The following BCL11B variants were observed in gnomAD, a reference collection of about 807,000 sequenced individuals.
BCL11B encodes B-cell lymphoma/leukemia 11B.
A neutral mutation model predicts 49.9 loss-of-function variants in BCL11B; 8 were observed. That is an observed-to-expected ratio of 0.16 (90% CI 0.09 to 0.29). The LOEUF (loss-of-function observed/expected upper bound fraction) is 0.29, where lower values mean the gene tolerates loss of function less well. Ranked by LOEUF, BCL11B falls within the 10% of genes least tolerant of loss-of-function variation. The pLI, the probability that BCL11B is intolerant of heterozygous loss-of-function variation, is 1.00. For synonymous variants in BCL11B, 739 were observed against 637.4 expected (o/e 1.16, Z -2.40); for missense variants, 1,006 against 1,351.0 (o/e 0.74, Z 4.00).
intron 3 of BCL11B, among the ~76,000 whole-genome samples, chr14:99,181,221 G>A (rs1245465110): frequency 6.6e-6 from 1 of 152,202 alleles, no homozygotes; most frequent in Non-Finnish European, 1.5e-5. Flanking sequence ...AGGGCCCGGG[G>A]TGATATCCTG....
intron 3 of BCL11B, among the ~76,000 whole-genome samples, chr14:99,212,737 A>G (rs1426863344): frequency 6.6e-6 from 1 of 152,170 alleles, no homozygotes; most frequent in African/African-American, 2.4e-5. Context: ...GCTGGAGGCA[A>G]GTGTCCACTT....
intron 3 of BCL11B, among the ~76,000 whole-genome samples, chr14:99,199,400 T>C (rs923541438): frequency 2.6e-5 from 4 of 152,184 alleles, no homozygotes; most frequent in African/African-American, 9.7e-5. Context: ...GAGGCGAAGT[T>C]TCAACAGCCG....
chr14:99,211,094 A>G (rs951565354), intron 3 of BCL11B, among the ~76,000 whole-genome samples: 20 of 152,146 alleles, frequency 1.3e-4, no homozygotes, highest in African/African-American at 4.6e-4. Context: ...CCATCCACAC[A>G]TGCGTACCCA....
intron 3 of BCL11B, among the ~76,000 whole-genome samples, chr14:99,179,329 C>T (rs1886630279): frequency 6.6e-6 from 1 of 152,006 alleles, no homozygotes; most frequent in Non-Finnish European, 1.5e-5. Context: ...CAAAAATTAG[C>T]CGGGTGTGGT....
chr14:99,221,874 G>A (rs910370206), intron 3 of BCL11B, among the ~76,000 whole-genome samples: 2 of 152,186 alleles, frequency 1.3e-5, no homozygotes, highest in African/African-American at 4.8e-5. Context: ...GGACCCTAGG[G>A]TCTAGCCCAG....
At chr14:99,177,438 C>T (rs1459167308) in intron 3 of BCL11B, among the ~76,000 whole-genome samples, 1 of 151,490 alleles carries the variant, frequency 6.6e-6, no homozygotes, top group African/African-American at 2.4e-5. Context: ...CAAGTGCCCT[C>T]CTGCACCTGG....
chr14:99,199,683 T>TGTGTGTGCGCGCGCGCGCGC (rs759599743), intron 3 of BCL11B, among the ~76,000 whole-genome samples: 1 of 73,740 alleles, frequency 1.4e-5, no homozygotes, highest in African/African-American at 3.4e-5. Context: ...TGTGTGTGTG[T>TGTGTGTGCGCGCGCGCGCGC]GCGCGCGCGC....
At chr14:99,246,329 G>C (rs1443426473) in intron 2 of BCL11B, among the ~76,000 whole-genome samples, 1 of 152,210 alleles carries the variant, frequency 6.6e-6, no homozygotes, top group Non-Finnish European at 1.5e-5. Flanking sequence ...AGCCCTCTCG[G>C]CCCTCCCGCC....
At chr14:99,243,385 C>G (rs1888726912) in intron 2 of BCL11B, among the ~76,000 whole-genome samples, 1 of 152,132 alleles carries the variant, frequency 6.6e-6, no homozygotes, top group African/African-American at 2.4e-5. Flanking sequence ...ATTCCTTTCC[C>G]TTTTGCAAAT....
intron 2 of BCL11B, among the ~76,000 whole-genome samples, chr14:99,245,840 G>C (rs1362822371): frequency 6.6e-6 from 1 of 152,142 alleles, no homozygotes; most frequent in East Asian, 1.9e-4. Context: ...CCCCGCCCTT[G>C]ACCTTGGGTC....
At chr14:99,267,572 A>T (rs1889524128) in intron 1 of BCL11B, among the ~76,000 whole-genome samples, 1 of 151,578 alleles carries the variant, frequency 6.6e-6, no homozygotes, top group Non-Finnish European at 1.5e-5. Context: ...AACCAAAAAA[A>T]AAAAAAGAGG....
intron 3 of BCL11B, among the ~76,000 whole-genome samples, chr14:99,199,683 T>TGTGTGTGTGTGTGCGCGCGCGCGC (rs759599743): frequency 4.1e-5 from 3 of 73,640 alleles, no homozygotes; most frequent in South Asian, 3.5e-4. Flanking sequence ...TGTGTGTGTG[T>TGTGTGTGTGTGTGCGCGCGCGCGC]GCGCGCGCGC....
At chr14:99,191,402 TAA>T (rs11302505) in intron 3 of BCL11B, among the ~76,000 whole-genome samples, 67 of 144,212 alleles carry the variant, frequency 4.6e-4, no homozygotes, top group Non-Finnish European at 4.7e-4. Flanking sequence ...CACCTAAATC[TAA>T]AAAAAAAAAA....
intron 1 of BCL11B, among the ~76,000 whole-genome samples, chr14:99,267,552 C>CCG (rs1491352603): frequency 1.4e-5 from 2 of 146,990 alleles, no homozygotes; most frequent in Non-Finnish European, 3.0e-5. Flanking sequence ...TCACCCCCCC[C>CCG]CCACCAACTA....
Position 99,170,545 on chromosome 14 carries a change from G to A in BCL11B, c.*3606C>T, listed in dbSNP as rs963132246. On this transcript the variant is annotated 3_prime_UTR_variant, in exon 4 of 4. Transcript: ENST00000357195. ...TAGAGGATTAGGGGAGGAACAGACA[G>A]GAAGAAAAGAAATTAAATAAAAAAT... The A allele has an allele frequency of 3.9e-5, 9 of 229,904 alleles. No individual in the cohort carries two copies. The highest frequency in any genetic ancestry group is 1.8e-4 in the African/African-American group (8 of 44,828). 14.2% of individuals were successfully genotyped at this position (229,904 alleles called of 1,614,324 possible).
At chr14:99,179,829 CTTA>C (rs1331582920) in intron 3 of BCL11B, among the ~76,000 whole-genome samples, 1 of 152,162 alleles carries the variant, frequency 6.6e-6, no homozygotes, top group Non-Finnish European at 1.5e-5. Context: ...CATTCATTTC[CTTA>C]TTATCACTCC....
chr14:99,207,983 G>C (rs1887582158), intron 3 of BCL11B, among the ~76,000 whole-genome samples: 1 of 152,210 alleles, frequency 6.6e-6, no homozygotes, highest in African/African-American at 2.4e-5. Context: ...GCATTATTGG[G>C]AGGAATGGAG....
chr14:99,175,935 C>A lies in BCL11B; in HGVS notation c.901G>T (p.Asp301Tyr), dbSNP rs1334070826. 2 of 1,448,820 alleles carry A rather than the reference C, an allele frequency of 1.4e-6. No individual in the cohort carries two copies. The highest frequency in any genetic ancestry group is 2.7e-5 in the East Asian group (1 of 37,700). 89.7% of individuals were successfully genotyped at this position (1,448,820 alleles called of 1,614,324 possible). A position where few individuals can be genotyped will look rare whatever the true frequency, so the allele number is the denominator to read the frequency against. Residue 301 changes from aspartate to tyrosine, a missense_variant, in exon 4 of 4, where the codon GAC (aspartate) becomes TAC (tyrosine). By Grantham distance (160) the Asp-to-Tyr change is radical (BLOSUM62 -3). This residue lies in a region of BCL11B where 411 missense variants were observed against 542.2 expected (regional missense o/e 0.76). Transcript: ENST00000357195. ...CGGCCCTCGCCGAAGCCCGGGTGGT[C>A]CCGCAGGATGGGGCCCGTCATGCGC... Reference protein sequence around the residue: ...LLRMTGPILRDHPGFGEGRLP... With the variant: ...LLRMTGPILRYHPGFGEGRLP...
rs985153675 is a variant in BCL11B, at chr14:99,241,360, A to G, written c.428-9803T>C. The stretch of plus-strand genomic sequence containing the variant: ...CAATCATAGTGTAGCCAGGATCCCA[A>G]CGAGCTCCAATTCCAGATCGGGGCG... On this transcript the variant is annotated intron_variant, in intron 2 of 3. Coordinates refer to ENST00000357195, the MANE Select transcript of BCL11B (RefSeq NM_138576.4). The surrounding 1 kb of genome is among the most constrained non-coding windows in gnomAD (Gnocchi z 4.4). Among the ~76,000 whole-genome samples, 6 of 152,164 alleles carry G rather than the reference A, an allele frequency of 3.9e-5. No homozygotes were observed. Among genetic ancestry groups the G allele is most frequent in the Middle Eastern group, 3.4e-3 (1 of 294 alleles).
Sources: allele counts gnomAD v4.1 joint callset (sites outside exome capture counted in the v4.1 genomes callset), GRCh38; gene constraint gnomAD v4.1.1; regional missense constraint gnomAD v4.1.1; non-coding constraint Gnocchi (gnomAD v3.1); transcripts MANE v1.5; gene names NCBI Gene and HGNC (gene_info 2026-07-23, HGNC 2026-07-21).